Variants in GLIS1 observed in about 807,000 individuals in gnomAD.
GLIS1 encodes zinc finger protein GLIS1.
GLIS1 carries 24 observed loss-of-function variants against 63.8 expected under a neutral mutation model. The ratio of observed to expected loss-of-function variants is 0.38; its 90% CI spans 0.27 to 0.53. GLIS1 has a LOEUF of 0.53. GLIS1 is among the 20% of genes least tolerant of loss of function. The probability of loss-of-function intolerance (pLI) is 0.85; values close to 1 mark genes in which losing one functional copy is unlikely to be tolerated. For missense variants in GLIS1, 1,036 were observed against 1,074.1 expected (o/e 0.96, Z 0.50); for synonymous variants, 450 against 482.5 (o/e 0.93, Z 0.88).
intron 4 of GLIS1, among the ~76,000 whole-genome samples, chr1:53,577,183 T>G (rs72899282): frequency 9.0e-4 from 129 of 144,108 alleles, no homozygotes; most frequent in African/African-American, 3.2e-3. Flanking sequence ...ACCCCTCTCC[T>G]GCCTTAGGAG....
At chr1:53,546,528 T>G (rs12031987) in intron 4 of GLIS1, among the ~76,000 whole-genome samples, 2 of 152,338 alleles carry the variant, frequency 1.3e-5, no homozygotes, top group East Asian at 3.9e-4. Flanking sequence ...TGGAGGTGTC[T>G]TCTGGAAAAC....
chr1:53,509,137 G>A lies in GLIS1; in HGVS notation c.2213C>T (p.Thr738Met), dbSNP rs779746938. The A allele has an allele frequency of 9.5e-6, 15 of 1,586,148 alleles. No homozygotes were observed. The highest frequency in any genetic ancestry group is 6.7e-5 in the African/African-American group (5 of 74,500). The part of the protein sequence containing the change: ...LRPNGYHSLS[T>M]PLPATGYEAL... ...GGGCTCACCTGTGGCAGGCAAGGGC[G>A]TGCTGAGGCTGTGGTAGCCATTGGG... The change falls in exon 10 of 11, where the codon ACG (threonine) becomes ATG (methionine). Residue 738 changes from threonine (T) to methionine (M), a missense_variant. Physicochemically the swap from Thr to Met is moderately conservative, Grantham distance 81. Transcript: ENST00000628545.
At chr1:53,571,739 G>A (rs987531080) in intron 4 of GLIS1, among the ~76,000 whole-genome samples, 2 of 152,124 alleles carry the variant, frequency 1.3e-5, no homozygotes, top group Admixed American at 6.5e-5. Context: ...ACCATGCCCG[G>A]CTAATTTTTT....
chr1:53,660,053 C>T (rs867104607), intron 2 of GLIS1, among the ~76,000 whole-genome samples: 7 of 152,202 alleles, frequency 4.6e-5, no homozygotes, highest in Admixed American at 3.9e-4. Context: ...ACAAAGGTCC[C>T]GGCCAGCTCA....
At chr1:53,730,774 C>T (rs1404988548) in intron 2 of GLIS1, among the ~76,000 whole-genome samples, 1 of 152,156 alleles carries the variant, frequency 6.6e-6, no homozygotes, top group Non-Finnish European at 1.5e-5. Context: ...AATGCACGTG[C>T]AAGGCCACAG....
chr1:53,579,843 C>T (rs1037242437), intron 4 of GLIS1, among the ~76,000 whole-genome samples: 1 of 152,226 alleles, frequency 6.6e-6, no homozygotes, highest in Non-Finnish European at 1.5e-5. Context: ...GCCGCTCAGC[C>T]AGCTCCCTAT....
intron 4 of GLIS1, among the ~76,000 whole-genome samples, chr1:53,586,251 T>C (rs4926604): frequency 0.51 from 77,317 of 151,544 alleles, 22,928 homozygotes; most frequent in Admixed American, 0.65. Context: ...GAGCTAAACC[T>C]CGGGCTCAAG....
intron 10 of GLIS1, among the ~76,000 whole-genome samples, chr1:53,507,601 C>G (rs1644248423): frequency 6.6e-6 from 1 of 152,240 alleles, no homozygotes; most frequent in African/African-American, 2.4e-5. Flanking sequence ...TTGGGCTGAA[C>G]TGTTCTGAGG....
At chr1:53,614,109 T>C (rs1645453830) in intron 2 of GLIS1, among the ~76,000 whole-genome samples, 1 of 152,204 alleles carries the variant, frequency 6.6e-6, no homozygotes, top group African/African-American at 2.4e-5. Flanking sequence ...ATGCCTACTA[T>C]ATGCCAGGAC....
intron 4 of GLIS1, among the ~76,000 whole-genome samples, chr1:53,553,929 C>T (rs1454396949): frequency 6.6e-6 from 1 of 152,134 alleles, no homozygotes; most frequent in East Asian, 1.9e-4. Flanking sequence ...CCTTGCTGAC[C>T]AGCGGGAGGA....
At chr1:53,507,934 C>T (rs1294249734) in intron 10 of GLIS1, among the ~76,000 whole-genome samples, 9 of 152,212 alleles carry the variant, frequency 5.9e-5, no homozygotes, top group African/African-American at 1.9e-4. Context: ...ACACAGAGCA[C>T]CCGTCTTCCA....
At chr1:53,590,483 C>G (rs1048506565) in intron 4 of GLIS1, among the ~76,000 whole-genome samples, 4 of 152,154 alleles carry the variant, frequency 2.6e-5, no homozygotes, top group African/African-American at 9.7e-5. Context: ...TTCACTCTGC[C>G]TCTCTCCTTC....
intron 5 of GLIS1, among the ~76,000 whole-genome samples, chr1:53,528,341 C>G (rs1644493398): frequency 1.3e-5 from 2 of 152,318 alleles, no homozygotes; most frequent in South Asian, 4.1e-4. Flanking sequence ...CACATCAGCT[C>G]TTCCAGCAGA....
At chr1:53,570,262 G>A (rs907301651) in intron 4 of GLIS1, among the ~76,000 whole-genome samples, 1 of 150,246 alleles carries the variant, frequency 6.7e-6, no homozygotes, top group African/African-American at 2.5e-5. Context: ...GACTACAGGC[G>A]AGCACCATTC....
At chr1:53,601,920 G>A (rs1265064821) in intron 2 of GLIS1, among the ~76,000 whole-genome samples, 1 of 152,190 alleles carries the variant, frequency 6.6e-6, no homozygotes, top group African/African-American at 2.4e-5. Context: ...ACAGGCACCA[G>A]GCATTTGCTT....
chr1:53,549,795 T>C (rs1218115796), intron 4 of GLIS1, among the ~76,000 whole-genome samples: 1 of 152,238 alleles, frequency 6.6e-6, no homozygotes, highest in East Asian at 1.9e-4. Flanking sequence ...GTATTAAGTA[T>C]TTTAACTCCC....
chr1:53,579,533 A>G (rs1645065065), intron 4 of GLIS1, among the ~76,000 whole-genome samples: 1 of 152,236 alleles, frequency 6.6e-6, no homozygotes, highest in African/African-American at 2.4e-5. Context: ...ATATGGAGAC[A>G]ATTAAAGAGC....
intron 4 of GLIS1, among the ~76,000 whole-genome samples, chr1:53,551,591 C>A (rs1644760196): frequency 6.6e-6 from 1 of 152,178 alleles, no homozygotes; most frequent in South Asian, 2.1e-4. Flanking sequence ...CCTGGGGAAC[C>A]AACAAGAAGC....
At chr1:53,716,070 C>T (rs1034085526) in intron 2 of GLIS1, among the ~76,000 whole-genome samples, 3 of 152,072 alleles carry the variant, frequency 2.0e-5, no homozygotes, top group African/African-American at 4.8e-5. Flanking sequence ...GATGCAAAGC[C>T]CTGGGATGGT....
Sources: gnomAD v4.1 joint callset for allele counts (sites outside exome capture counted in the v4.1 genomes callset) on GRCh38, gnomAD v4.1.1 for gene constraint, MANE v1.5 for transcripts, NCBI Gene and HGNC (gene_info 2026-07-23, HGNC 2026-07-21) for gene names.